ADAMTS14: variants seen among roughly 807,000 people sequenced by gnomAD.
The protein encoded by ADAMTS14 is A disintegrin and metalloproteinase with thrombospondin motifs 14.
ADAMTS14 carries 100 observed loss-of-function variants against 128.6 expected under a neutral mutation model. The observed-to-expected ratio is 0.78, with a 90% CI of 0.66 to 0.92. The LOEUF (loss-of-function observed/expected upper bound fraction) is 0.92. ADAMTS14 is among the 40% of genes least tolerant of loss of function. The pLI is 0.00. For synonymous variants in ADAMTS14, 665 were observed against 653.8 expected (o/e 1.02, Z -0.26); for missense variants, 1,562 against 1,658.6 (o/e 0.94, Z 1.01).
intron 12 of ADAMTS14, among the ~76,000 whole-genome samples, chr10:70,742,109 A>G (rs1274465459): frequency 1.3e-5 from 2 of 152,202 alleles, no homozygotes; most frequent in Non-Finnish European, 2.9e-5. Flanking sequence ...GAGGCCTGTC[A>G]TTGCCAGATT....
chr10:70,754,242 A>G (rs528982194), intron 19 of ADAMTS14, among the ~76,000 whole-genome samples: 1 of 152,360 alleles, frequency 6.6e-6, no homozygotes, highest in South Asian at 2.1e-4. Context: ...GCATGGGTTC[A>G]TGTCCCTGTG....
rs371099453 is a variant in ADAMTS14, at chr10:70,674,564, C to T, written c.91C>T (p.Leu31Phe). ...TTGTTTACCTCCAACAGAGCTGCACCTCTCTGGAAAGCTCAGTGACTATGG... is the reference window on the plus strand; with the variant it reads ...TTGTTTACCTCCAACAGAGCTGCACTTCTCTGGAAAGCTCAGTGACTATGG... Reference protein sequence around the residue: ...AAGSRTPELHLSGKLSDYGVT... With the variant: ...AAGSRTPELHFSGKLSDYGVT... The change falls in exon 2 of 22, where the codon CTC becomes TTC. Residue 31 changes from leucine (L) to phenylalanine (F), a missense_variant. Transcript: ENST00000373207. The T allele has an allele frequency of 1.8e-5, 29 of 1,610,208 alleles. No individual in the cohort carries two copies. Among genetic ancestry groups the T allele is most frequent in the Non-Finnish European group, 2.5e-5 (29 of 1,177,214 alleles).
rs756499487 is a variant in ADAMTS14, at chr10:70,760,404, G to C, written c.3223G>C (p.Val1075Leu). Residue 1075 changes from valine (V) to leucine (L), a missense_variant, in exon 22 of 22, where the codon GTG (valine) becomes CTG (leucine). Transcript: ENST00000373207. ...CAGGTCTGTCTTCTGCCAGATGGAA[G>C]TGCTCGATCGCTACTGCTCCATTCC... ...GDRSVFCQMEVLDRYCSIPGY... is the reference protein window; with the variant it reads ...GDRSVFCQMELLDRYCSIPGY... The C allele has an allele frequency of 6.2e-6, 10 of 1,606,240 alleles. No individual in the cohort carries two copies. In the South Asian group the frequency reaches 1.1e-4, roughly 18 times the overall value.
chr10:70,753,867 A>T lies in ADAMTS14; in HGVS notation c.2797A>T (p.Ile933Leu). The T allele has an allele frequency of 6.3e-7, 1 of 1,593,992 alleles. No homozygotes were observed. The highest frequency in any genetic ancestry group is 1.2e-5 in the South Asian group (1 of 86,904). Residue 933 changes from isoleucine (I) to leucine (L), a missense_variant, in exon 19 of 22, where the codon ATA (isoleucine) becomes TTA (leucine). Coordinates refer to ENST00000373207, the MANE Select transcript of ADAMTS14 (RefSeq NM_080722.4). ...CGKLGVQTRG[I>L]QCLLPLSNGT... ...GAAGCTGGGGGTGCAGACACGGGGGATACAGTGCCTGCTGCCCCTCTCCAA... is the reference window on the plus strand; with the variant it reads ...GAAGCTGGGGGTGCAGACACGGGGGTTACAGTGCCTGCTGCCCCTCTCCAA...
chr10:70,683,232 C>T (rs752005056), intron 2 of ADAMTS14, among the ~76,000 whole-genome samples: 1 of 152,240 alleles, frequency 6.6e-6, no homozygotes. Flanking sequence ...GCACTCCCTT[C>T]GTGAGCAAGT....
At chr10:70,723,168 G>T (rs71477509) in intron 4 of ADAMTS14, among the ~76,000 whole-genome samples, 23,427 of 152,076 alleles carry the variant, frequency 0.15, 2,180 homozygotes, top group Middle Eastern at 0.22. Flanking sequence ...ACCATCAGAC[G>T]TACCCTAATT....
chr10:70,681,632 G>T (rs568657415), intron 2 of ADAMTS14, among the ~76,000 whole-genome samples: 1 of 152,278 alleles, frequency 6.6e-6, no homozygotes, highest in African/African-American at 2.4e-5. Flanking sequence ...TCCTTGCCCC[G>T]GGGGCTGCTC....
chr10:70,736,640 A>G (rs1314750718), intron 9 of ADAMTS14, 40 bp from the exon 10 acceptor site: 1 of 1,579,442 alleles, frequency 6.3e-7, no homozygotes, highest in African/African-American at 1.3e-5. Flanking sequence ...TTGGACAAAG[A>G]GCCAGTCCAG....
Position 70,702,461 on chromosome 10 carries a change from C to T in ADAMTS14, c.672C>T (p.His224=). ...GGGCAGAACCTGACGGGGACCTGCA[C>T]AATGAAGGTAGGCTGTAGGTAGGGG... ...QEWAEPDGDL[H]NEAFGLGDLP... Residue 224 remains histidine (H), a synonymous_variant, in exon 3 of 22, where the codon CAC becomes CAT. Coordinates refer to ENST00000373207, the MANE Select transcript of ADAMTS14 (RefSeq NM_080722.4). The T allele has an allele frequency of 6.2e-7, 1 of 1,606,264 alleles. No homozygotes were observed. Among genetic ancestry groups the T allele is most frequent in the South Asian group, 1.1e-5 (1 of 89,458 alleles).
In ADAMTS14 at chr10:70,757,931, G is replaced by A. The variant is rs189342682; in HGVS notation, c.2938-31G>A. ...CTCTCCACCTACCCTGACCCCGGCC[G>A]CTATGCCTGGCACTGACCCACCCAC... On this transcript the variant is annotated intron_variant, in intron 19 of 21. Transcript: ENST00000373207. 84 of 1,567,324 alleles carry A rather than the reference G, an allele frequency of 5.4e-5. No individual in the cohort carries two copies. In the Admixed American group the frequency reaches 5.9e-4, roughly 11 times the overall value.
chr10:70,755,704 G>A (rs1379026572), intron 19 of ADAMTS14, among the ~76,000 whole-genome samples: 1 of 152,188 alleles, frequency 6.6e-6, no homozygotes, highest in African/African-American at 2.4e-5. Flanking sequence ...AATTAGCCGG[G>A]TGTGGTGGCT....
chr10:70,757,866 G>A (rs1241792268), intron 19 of ADAMTS14, 96 bp from the exon 20 acceptor site: 17 of 1,491,244 alleles, frequency 1.1e-5, no homozygotes, highest in Admixed American at 2.2e-5. Context: ...TCTGTCCCCG[G>A]GCACTGGCTG....
intron 4 of ADAMTS14, among the ~76,000 whole-genome samples, chr10:70,709,497 T>TC (rs1200302464): frequency 0.014 from 1,103 of 81,696 alleles, 24 homozygotes; most frequent in African/African-American, 0.037. Flanking sequence ...CATTTCCAGT[T>TC]TTTTTTTTTT....
chr10:70,707,263 C>G lies in ADAMTS14; in HGVS notation c.680-1325C>G, dbSNP rs144780958. On this transcript the variant is annotated intron_variant, in intron 3 of 21. Transcript: ENST00000373207. ...ATCCATTGACTAGTATGGGGCCCCT[C>G]CTGCTGCCACACCCCTAATACATGC... is the stretch of plus-strand genomic sequence containing the variant. Among the ~76,000 whole-genome samples, 508 of 152,364 alleles carry G rather than the reference C, an allele frequency of 3.3e-3. 2 individuals are homozygous for G. Among genetic ancestry groups the G allele is most frequent in the Middle Eastern group, 6.8e-3 (2 of 294 alleles).
chr10:70,750,012 C>T (rs755443292), intron 16 of ADAMTS14, 27 bp downstream of exon 16: 2 of 1,607,142 alleles, frequency 1.2e-6, no homozygotes, highest in African/African-American at 2.7e-5. Flanking sequence ...GCGGTGGCAA[C>T]CCCTGCCCAC....
intron 4 of ADAMTS14, among the ~76,000 whole-genome samples, chr10:70,711,325 G>A (rs769037329): frequency 6.6e-6 from 1 of 152,194 alleles, no homozygotes; most frequent in South Asian, 2.1e-4. Context: ...AAAATCTCCC[G>A]AAGCAGGACT....
chr10:70,717,546 C>T (rs930413518), intron 4 of ADAMTS14, among the ~76,000 whole-genome samples: 16 of 152,206 alleles, frequency 1.1e-4, no homozygotes, highest in African/African-American at 3.6e-4. Flanking sequence ...AACAGCTCCC[C>T]GTGGTGGCAT....
chr10:70,706,415 T>G (rs988010110), intron 3 of ADAMTS14, among the ~76,000 whole-genome samples: 1 of 152,346 alleles, frequency 6.6e-6, no homozygotes, highest in Middle Eastern at 3.4e-3. Context: ...CTTACACTTC[T>G]GAGCACAGCC....
At chr10:70,749,608 A>AGAGTGTGT (rs879239580) in intron 15 of ADAMTS14, among the ~76,000 whole-genome samples, 1 of 147,764 alleles carries the variant, frequency 6.8e-6, no homozygotes, top group Non-Finnish European at 1.5e-5. Flanking sequence ...AGGCAGCAAG[A>AGAGTGTGT]GTGTGTGTGT....
Sources: allele counts gnomAD v4.1 joint callset (sites outside exome capture counted in the v4.1 genomes callset), GRCh38; gene constraint gnomAD v4.1.1; transcripts MANE v1.5; gene names NCBI Gene and HGNC (gene_info 2026-07-23, HGNC 2026-07-21).